BNC2: variants seen among roughly 807,000 people sequenced by gnomAD.
BNC2 encodes basonuclin zinc finger protein 2.
BNC2 carries 20 observed loss-of-function variants against 76.3 expected under a neutral mutation model. The observed-to-expected ratio is 0.26, with a 90% confidence interval of 0.18 to 0.38. The LOEUF (loss-of-function observed/expected upper bound fraction) is 0.38, where lower values mean the gene tolerates loss of function less well. Ranked by LOEUF, BNC2 falls within the 10% of genes least tolerant of loss-of-function variation. The probability of loss-of-function intolerance (pLI) is 1.00; values close to 1 mark genes in which losing one functional copy is unlikely to be tolerated. For missense variants in BNC2, 1,382 were observed against 1,399.8 expected, an observed-to-expected ratio of 0.99 and a Z score of 0.20; for synonymous variants, 582 against 514.8, an observed-to-expected ratio of 1.13 and a Z score of -1.77.
chr9:16,752,895 T>C (rs947383076), intron 1 of BNC2, among the ~76,000 whole-genome samples: 3 of 152,134 alleles, frequency 2.0e-5, no homozygotes, highest in African/African-American at 4.8e-5. Flanking sequence ...TCTAAATGAA[T>C]ACAGTGCACT....
intron 4 of BNC2, among the ~76,000 whole-genome samples, chr9:16,560,244 G>A (rs1486735916): frequency 6.6e-6 from 1 of 152,200 alleles, no homozygotes; most frequent in African/African-American, 2.4e-5. Context: ...ATGGGTATGT[G>A]TTAGGGAACC....
intron 3 of BNC2, among the ~76,000 whole-genome samples, chr9:16,609,240 T>A (rs994822030): frequency 2.0e-5 from 3 of 152,168 alleles, no homozygotes; most frequent in Admixed American, 2.0e-4. Context: ...TGTGAATGCC[T>A]ACTCTGTGCT....
intron 5 of BNC2, among the ~76,000 whole-genome samples, chr9:16,522,045 T>C (rs1442528252): frequency 6.6e-6 from 1 of 152,170 alleles, no homozygotes; most frequent in African/African-American, 2.4e-5. Flanking sequence ...CACATTCCTC[T>C]GCTTGAGCTG....
chr9:16,483,021 A>G (rs1822092221), intron 5 of BNC2, among the ~76,000 whole-genome samples: 1 of 152,158 alleles, frequency 6.6e-6, no homozygotes, highest in African/African-American at 2.4e-5. Context: ...TTTCTCCACC[A>G]CATCCAACAG....
chr9:16,438,738 G>A (rs1821068514), intron 5 of BNC2, among the ~76,000 whole-genome samples: 1 of 151,392 alleles, frequency 6.6e-6, no homozygotes, highest in Non-Finnish European at 1.5e-5. Flanking sequence ...TAATTACAAA[G>A]GGAAAATCAT....
At chr9:16,807,939 T>C (rs1817952094) in intron 1 of BNC2, among the ~76,000 whole-genome samples, 1 of 152,176 alleles carries the variant, frequency 6.6e-6, no homozygotes, top group African/African-American at 2.4e-5. Context: ...AGGCAAATCC[T>C]AGCATGGCTA....
chr9:16,480,544 C>T (rs951575272), intron 5 of BNC2, among the ~76,000 whole-genome samples: 6 of 152,134 alleles, frequency 3.9e-5, no homozygotes, highest in East Asian at 1.9e-4. Flanking sequence ...CTGCAGGCGG[C>T]GCTTGCGGGC....
chr9:16,817,620 T>A (rs1316087338), intron 1 of BNC2, among the ~76,000 whole-genome samples: 1 of 152,156 alleles, frequency 6.6e-6, no homozygotes, highest in African/African-American at 2.4e-5. Flanking sequence ...ACACTGAAGG[T>A]GTTTCTCAAA....
At chr9:16,541,457 C>A (rs966889821) in intron 5 of BNC2, among the ~76,000 whole-genome samples, 1 of 152,088 alleles carries the variant, frequency 6.6e-6, no homozygotes, top group African/African-American at 2.4e-5. Flanking sequence ...CATGTCAATA[C>A]GTGGAAAAGC....
chr9:16,687,528 A>G (rs924495089), intron 3 of BNC2, among the ~76,000 whole-genome samples: 2 of 152,148 alleles, frequency 1.3e-5, no homozygotes, highest in Admixed American at 1.3e-4. Flanking sequence ...TGCAACAGTA[A>G]TTCTCCCCAG....
chr9:16,627,296 G>A (rs909585952), intron 3 of BNC2, among the ~76,000 whole-genome samples: 1 of 152,154 alleles, frequency 6.6e-6, no homozygotes, highest in Non-Finnish European at 1.5e-5. Flanking sequence ...CTATGGGAGT[G>A]GGGACAAAAG....
At chr9:16,717,467 C>T (rs1265571261) in intron 3 of BNC2, among the ~76,000 whole-genome samples, 2 of 152,086 alleles carry the variant, frequency 1.3e-5, no homozygotes, top group Admixed American at 1.3e-4. Context: ...GCCTTTTATA[C>T]CATCTTAGAA....
At chr9:16,649,953 G>A (rs898225407) in intron 3 of BNC2, among the ~76,000 whole-genome samples, 1 of 152,076 alleles carries the variant, frequency 6.6e-6, no homozygotes. Context: ...TGTGGGCTAG[G>A]GGAACATTAA....
At chr9:16,492,644 TTG>T in intron 5 of BNC2, among the ~76,000 whole-genome samples, 1 of 152,220 alleles carries the variant, frequency 6.6e-6, no homozygotes. Context: ...GATGTATTTC[TTG>T]TCTTTTAGGA....
At chr9:16,520,416 G>A (rs1325563317) in intron 5 of BNC2, among the ~76,000 whole-genome samples, 1 of 152,194 alleles carries the variant, frequency 6.6e-6, no homozygotes, top group African/African-American at 2.4e-5. Flanking sequence ...ACAAAATCGA[G>A]AAGGAAAGGA....
intron 1 of BNC2, among the ~76,000 whole-genome samples, chr9:16,743,094 T>C (rs969904524): frequency 2.6e-5 from 4 of 152,198 alleles, no homozygotes; most frequent in Admixed American, 2.0e-4. Flanking sequence ...TAGATTCCTC[T>C]GGTTCTACCA....
chr9:16,535,834 T>C (rs934444807), intron 5 of BNC2, among the ~76,000 whole-genome samples: 1 of 152,176 alleles, frequency 6.6e-6, no homozygotes. Flanking sequence ...GTAGACACTT[T>C]AGAAGTGCCT....
In BNC2 at chr9:16,663,291, CCTGG is replaced by C. The variant is rs529799169; in HGVS notation, c.330+64502_330+64505del. Among the ~76,000 whole-genome samples, 220 of 151,968 alleles carry C rather than the reference CCTGG, an allele frequency of 1.4e-3. 2 individuals are homozygous for C. The highest frequency in any genetic ancestry group is 4.9e-3 in the African/African-American group (201 of 41,440). ...CTGATTACAGGCGCCCGCCACCGTC[CCTGG>C]CTAATTTTTGTATTTTTAGTAGAGA... On this transcript the variant is annotated intron_variant, in intron 3 of 6. Transcript: ENST00000380672.
intron 1 of BNC2, among the ~76,000 whole-genome samples, chr9:16,818,835 TA>T (rs930637296): frequency 6.6e-6 from 1 of 150,988 alleles, no homozygotes; most frequent in Non-Finnish European, 1.5e-5. Context: ...AATGAATTTT[TA>T]AAAAAAATTC....
Sources: allele counts gnomAD v4.1 joint callset (sites outside exome capture counted in the v4.1 genomes callset), GRCh38; gene constraint gnomAD v4.1.1; transcripts MANE v1.5; gene names NCBI Gene and HGNC (gene_info 2026-07-23, HGNC 2026-07-21).